Variants in RNF150 observed in about 807,000 individuals in gnomAD.
The protein encoded by RNF150 is ring finger protein 150.
Under a neutral mutation model 39.3 loss-of-function variants are expected in RNF150, and 24 were observed. The observed-to-expected ratio is 0.61, with a 90% CI of 0.44 to 0.86. The LOEUF is 0.86. Ranked by LOEUF, RNF150 falls within the 40% of genes least tolerant of loss-of-function variation. The probability of loss-of-function intolerance (pLI) is 0.00; values close to 1 mark genes in which losing one functional copy is unlikely to be tolerated. For missense variants in RNF150, 502 were observed against 587.8 expected, an observed-to-expected ratio of 0.85 and a Z score of 1.51; for synonymous variants, 255 against 227.3, an observed-to-expected ratio of 1.12 and a Z score of -1.10.
At chr4:141,046,545 T>C (rs745342962) in intron 1 of RNF150, among the ~76,000 whole-genome samples, 10 of 152,188 alleles carry the variant, frequency 6.6e-5, no homozygotes, top group Non-Finnish European at 1.2e-4. Flanking sequence ...AGTCATTGGT[T>C]CCATATCTTT....
intron 1 of RNF150, among the ~76,000 whole-genome samples, chr4:141,127,593 T>C (rs1194685331): frequency 2.0e-5 from 3 of 152,168 alleles, no homozygotes; most frequent in African/African-American, 7.2e-5. Flanking sequence ...TCAGTAGATC[T>C]ACTACATTTT....
At chr4:140,964,840 T>A (rs1433481421) in intron 2 of RNF150, among the ~76,000 whole-genome samples, 1 of 151,876 alleles carries the variant, frequency 6.6e-6, no homozygotes, top group African/African-American at 2.4e-5. Context: ...AACAAGATGG[T>A]GCTGGAGTAT....
chr4:141,013,303 T>G (rs896537792), intron 1 of RNF150, among the ~76,000 whole-genome samples: 4 of 152,198 alleles, frequency 2.6e-5, no homozygotes, highest in African/African-American at 9.7e-5. Context: ...TGATGGTATT[T>G]TGATAATTTC....
chr4:140,935,510 C>T (rs1041781034), intron 4 of RNF150, among the ~76,000 whole-genome samples: 1 of 152,102 alleles, frequency 6.6e-6, no homozygotes, highest in Non-Finnish European at 1.5e-5. Flanking sequence ...CAGTGCAAGA[C>T]TTCTGTCCTA....
At chr4:140,878,255 T>C (rs1265659523) in intron 6 of RNF150, among the ~76,000 whole-genome samples, 3 of 123,690 alleles carry the variant, frequency 2.4e-5, no homozygotes, top group African/African-American at 5.8e-5. Flanking sequence ...CACTCAACCT[T>C]TGCCTCCCAG....
chr4:141,110,741 A>G (rs1739360611), intron 1 of RNF150, among the ~76,000 whole-genome samples: 2 of 151,992 alleles, frequency 1.3e-5, no homozygotes, highest in Admixed American at 1.3e-4. Flanking sequence ...GCTTCTTCCA[A>G]GTGATGGGTA....
intron 6 of RNF150, among the ~76,000 whole-genome samples, chr4:140,893,769 G>A (rs72933180): frequency 0.025 from 3,828 of 152,156 alleles, 184 homozygotes; most frequent in African/African-American, 0.088. Flanking sequence ...AAAAGGTATC[G>A]TTTAGAGTTG....
chr4:140,926,965 G>C (rs1481424545), intron 4 of RNF150, among the ~76,000 whole-genome samples: 1 of 152,152 alleles, frequency 6.6e-6, no homozygotes, highest in African/African-American at 2.4e-5. Context: ...CTCTCTTTCT[G>C]TACTCCCTGC....
chr4:141,044,846 G>A (rs549889916), intron 1 of RNF150, among the ~76,000 whole-genome samples: 6 of 152,090 alleles, frequency 3.9e-5, no homozygotes, highest in Admixed American at 2.6e-4. Flanking sequence ...TGAAAACTGT[G>A]GCACATCTTA....
In RNF150 at chr4:140,879,076, C is replaced by T. The variant is rs150955331; in HGVS notation, c.1199-10697G>A. Among the ~76,000 whole-genome samples, 648 of 152,294 alleles carry T rather than the reference C, an allele frequency of 4.3e-3. 4 individuals carry two copies. The highest frequency in any genetic ancestry group is 6.6e-3 in the Non-Finnish European group (449 of 68,024). Reference sequence around the variant, plus strand: ...ATTATTTGACCATATACATGAGGATCTCTATTCTGTTTTATTGGTCTACAT... The same window carrying T: ...ATTATTTGACCATATACATGAGGATTTCTATTCTGTTTTATTGGTCTACAT... On this transcript the variant is annotated intron_variant, in intron 6 of 6. Transcript: ENST00000515673.
intron 1 of RNF150, among the ~76,000 whole-genome samples, chr4:141,154,863 T>G (rs2111146997): frequency 6.6e-6 from 1 of 152,302 alleles, no homozygotes; most frequent in East Asian, 1.9e-4. Flanking sequence ...GTTTTATCAG[T>G]AACCCTAAAG....
intron 1 of RNF150, among the ~76,000 whole-genome samples, chr4:140,985,040 C>T (rs1024920407): frequency 2.0e-5 from 3 of 152,232 alleles, no homozygotes; most frequent in South Asian, 2.1e-4. Context: ...TAAACCCAAA[C>T]CAAGACTGTG....
At chr4:141,100,337 T>C (rs1360708478) in intron 1 of RNF150, among the ~76,000 whole-genome samples, 3 of 152,086 alleles carry the variant, frequency 2.0e-5, no homozygotes, top group African/African-American at 7.2e-5. Context: ...AGGTAAGGAG[T>C]TCTCCTCTTC....
chr4:141,072,198 T>C (rs1444159132), intron 1 of RNF150, among the ~76,000 whole-genome samples: 5 of 152,150 alleles, frequency 3.3e-5, no homozygotes, highest in African/African-American at 4.8e-5. Flanking sequence ...ACAAGAACTA[T>C]TGCAACAGGT....
intron 1 of RNF150, among the ~76,000 whole-genome samples, chr4:141,004,762 T>C (rs190646298): frequency 6.6e-6 from 1 of 152,328 alleles, no homozygotes; most frequent in East Asian, 1.9e-4. Context: ...AGTGCCATCA[T>C]AATATAACCA....
intron 1 of RNF150, among the ~76,000 whole-genome samples, chr4:141,162,633 G>C (rs987128373): frequency 2.6e-5 from 4 of 152,024 alleles, no homozygotes; most frequent in African/African-American, 9.7e-5. Flanking sequence ...ACTGGTTAGA[G>C]AGTGGGTGCA....
intron 1 of RNF150, among the ~76,000 whole-genome samples, chr4:141,128,008 A>G (rs1262128437): frequency 2.6e-5 from 4 of 152,204 alleles, no homozygotes; most frequent in Non-Finnish European, 4.4e-5. Flanking sequence ...ATGTTCATCA[A>G]TCAAAGGGAA....
chr4:140,929,280 C>T (rs1445952306), intron 4 of RNF150, among the ~76,000 whole-genome samples: 1 of 151,466 alleles, frequency 6.6e-6, no homozygotes, highest in East Asian at 1.9e-4. Context: ...GATCCACAGA[C>T]ACTGGTCGTT....
At chr4:141,037,024 A>G (rs1736174156) in intron 1 of RNF150, among the ~76,000 whole-genome samples, 1 of 152,214 alleles carries the variant, frequency 6.6e-6, no homozygotes, top group Non-Finnish European at 1.5e-5. Flanking sequence ...GCCTTGATCC[A>G]ATATTTAACA....
Sources: gnomAD v4.1 joint callset for allele counts (sites outside exome capture counted in the v4.1 genomes callset) on GRCh38, gnomAD v4.1.1 for gene constraint, MANE v1.5 for transcripts, NCBI Gene and HGNC (gene_info 2026-07-23, HGNC 2026-07-21) for gene names.